Variants in RRM2 observed in about 807,000 individuals in gnomAD.
RRM2 encodes ribonucleotide reductase regulatory subunit M2.
RRM2 carries 6 observed loss-of-function variants against 45.9 expected under a neutral mutation model. That is an observed-to-expected ratio of 0.13 (90% confidence interval 0.07 to 0.26). The LOEUF (loss-of-function observed/expected upper bound fraction) is 0.26. Among genes scored for constraint, RRM2 ranks in the 10% least tolerant of loss-of-function variants. The probability of loss-of-function intolerance (pLI) is 1.00; values close to 1 mark genes in which losing one functional copy is unlikely to be tolerated. For synonymous variants in RRM2, 177 were observed against 173.0 expected (o/e 1.02, Z -0.18); for missense variants, 343 against 489.5 (o/e 0.70, Z 2.82).
rs754408445 is a variant in RRM2, at chr2:10,141,974, G to C, written n.361+20G>C. The stretch of plus-strand genomic sequence containing the variant: ...TGTGCGGTAAGTCAGACGGTGACAA[G>C]CTCTGAAGACAAGGAAAGCAGGGAG... On this transcript the variant is annotated intron_variant and non_coding_transcript_variant, in intron 2 of 3. Transcript: ENST00000381786. The C allele has an allele frequency of 3.6e-5, 57 of 1,571,028 alleles. No homozygotes were observed. The Middle Eastern group carries it at 5.0e-4, about 14-fold the overall frequency.
intron 3 of RRM2, among the ~76,000 whole-genome samples, chr2:10,184,373 C>T (rs1167102500): frequency 6.6e-6 from 1 of 152,232 alleles, no homozygotes; most frequent in East Asian, 1.9e-4. Flanking sequence ...TAAAAATTTG[C>T]GTAGCCAACT....
intron 3 of RRM2, among the ~76,000 whole-genome samples, chr2:10,162,873 A>G (rs1450506658): frequency 6.6e-6 from 1 of 152,212 alleles, no homozygotes; most frequent in Non-Finnish European, 1.5e-5. Flanking sequence ...GTAGAGACAA[A>G]TGGCCTGCAG....
chr2:10,180,490 C>T (rs1310870687), intron 3 of RRM2, among the ~76,000 whole-genome samples: 1 of 152,222 alleles, frequency 6.6e-6, no homozygotes, highest in Non-Finnish European at 1.5e-5. Context: ...ATGTTTTCAA[C>T]ATTGGCATCA....
chr2:10,190,412 T>TG (rs749870286), intron 3 of RRM2, among the ~76,000 whole-genome samples: 1 of 120,928 alleles, frequency 8.3e-6, no homozygotes, highest in Non-Finnish European at 1.7e-5. Context: ...ATGGTGGTGA[T>TG]GGGGGGGTTG....
At chr2:10,134,920 TCA>T (rs1415250189), downstream of RRM2, among the ~76,000 whole-genome samples, 1 of 152,174 alleles carries the variant, frequency 6.6e-6, no homozygotes, top group Non-Finnish European at 1.5e-5. Context: ...CCCCAAGGAA[TCA>T]CACATGAGAA....
downstream of RRM2, among the ~76,000 whole-genome samples, chr2:10,131,972 C>T (rs1228399635): frequency 6.6e-6 from 1 of 152,160 alleles, no homozygotes; most frequent in Non-Finnish European, 1.5e-5. Flanking sequence ...GTTTGCAAAA[C>T]AGGTGGGGCT....
At chr2:10,180,606 C>G (rs894585839) in intron 3 of RRM2, among the ~76,000 whole-genome samples, 4 of 152,184 alleles carry the variant, frequency 2.6e-5, no homozygotes, top group Admixed American at 6.5e-5. Context: ...CTGCCTCCTG[C>G]TCACTAGGCT....
chr2:10,208,482 T>C (rs1323904863), intron 3 of RRM2, among the ~76,000 whole-genome samples: 1 of 152,186 alleles, frequency 6.6e-6, no homozygotes, highest in East Asian at 1.9e-4. Flanking sequence ...ATATGCTTCC[T>C]ATACACATGT....
chr2:10,150,407 A>G (rs1012537844), intron 3 of RRM2, among the ~76,000 whole-genome samples: 6 of 150,106 alleles, frequency 4.0e-5, no homozygotes, highest in African/African-American at 1.5e-4. Flanking sequence ...AGATCACGCC[A>G]CTGCACTCCA....
intron 3 of RRM2, among the ~76,000 whole-genome samples, chr2:10,142,695 C>T (rs1395712306): frequency 3.9e-5 from 6 of 152,172 alleles, no homozygotes; most frequent in East Asian, 3.9e-4. Context: ...CTTCACCCTC[C>T]GCCAGTCCAT....
At chr2:10,140,499 G>A (rs1663061132), upstream of RRM2, among the ~76,000 whole-genome samples, 1 of 152,160 alleles carries the variant, frequency 6.6e-6, no homozygotes, top group Non-Finnish European at 1.5e-5. Flanking sequence ...GCTCCGTAGT[G>A]GACCTGATGG....
intron 3 of RRM2, among the ~76,000 whole-genome samples, chr2:10,190,482 ATGG>A (rs1028020383): frequency 1.7e-5 from 2 of 121,154 alleles, no homozygotes; most frequent in Non-Finnish European, 3.3e-5. Context: ...GGTGGTGGCG[ATGG>A]TGGGGTTGGT....
intron 2 of RRM2, 82 bp from the exon 3 acceptor site, chr2:10,123,305 A>G: frequency 3.4e-6 from 5 of 1,488,872 alleles, no homozygotes; most frequent in Non-Finnish European, 3.6e-6. Flanking sequence ...AATTGCCGCC[A>G]ATGGAAAGGA....
upstream of RRM2, chr2:10,141,379 C>G (rs1373122762): frequency 6.4e-6 from 1 of 156,288 alleles, no homozygotes; most frequent in African/African-American, 2.4e-5. Flanking sequence ...GTTGGTGCCA[C>G]CTAGCTACGC....
In RRM2 at chr2:10,123,693, A is replaced by T. The variant is rs772414607; in HGVS notation, c.319-43A>T. ...GCTCAGTGTGAGTCCTGTAGGCTTT[A>T]CTCTCTTCCTTTTATGCTAAAATTG... On this transcript the variant is annotated intron_variant, in intron 3 of 9. Coordinates refer to ENST00000304567, the MANE Select transcript of RRM2 (RefSeq NM_001034.4). 7 of 1,426,462 alleles carry T rather than the reference A, an allele frequency of 4.9e-6. No individual in the cohort carries two copies. In the Admixed American group the frequency reaches 1.0e-4, roughly 21 times the overall value. The allele number at this position is 1,426,462 out of a possible 1,614,324, so 88.4% of individuals were successfully genotyped here.
chr2:10,131,828 G>C (rs1161190403), downstream of RRM2, among the ~76,000 whole-genome samples: 1 of 152,200 alleles, frequency 6.6e-6, no homozygotes, highest in Non-Finnish European at 1.5e-5. Context: ...ATTGGCACAA[G>C]GTGTATAGGA....
chr2:10,159,409 G>C (rs1206091680), intron 3 of RRM2, among the ~76,000 whole-genome samples: 1 of 152,188 alleles, frequency 6.6e-6, no homozygotes, highest in Non-Finnish European at 1.5e-5. Context: ...CCTTTGCATA[G>C]TGTCCACTCC....
At chr2:10,173,308 G>A (rs111962704) in intron 3 of RRM2, among the ~76,000 whole-genome samples, 3,072 of 152,138 alleles carry the variant, frequency 0.02, 98 homozygotes, top group African/African-American at 0.07. Context: ...CCGTTATTTG[G>A]TTCCCCTGTC....
In RRM2 at chr2:10,127,374, T is replaced by TA; in HGVS notation, c.798+155dup. The TA allele has an allele frequency of 5.8e-6, 4 of 691,290 alleles. No individual in the cohort carries two copies. The highest frequency in any genetic ancestry group is 9.5e-6 in the Non-Finnish European group (4 of 421,738). 42.8% of individuals were successfully genotyped at this position (691,290 alleles called of 1,614,324 possible). A position where few individuals can be genotyped will look rare whatever the true frequency, so the allele number is the denominator to read the frequency against. ...ACACATACTTGACAAAAGAAGGAAA[T>TA]ACTTTCATTTACTGAAACTGTTTTA... is the stretch of plus-strand genomic sequence containing the variant. On this transcript the variant is annotated intron_variant, in intron 7 of 9. Coordinates refer to ENST00000304567, the MANE Select transcript of RRM2 (RefSeq NM_001034.4). The surrounding 1 kb of genome is among the most constrained non-coding windows in gnomAD (Gnocchi z 4.1).
Sources: allele counts gnomAD v4.1 joint callset (sites outside exome capture counted in the v4.1 genomes callset), GRCh38; gene constraint gnomAD v4.1.1; non-coding constraint Gnocchi (gnomAD v3.1); transcripts MANE v1.5; gene names NCBI Gene and HGNC (gene_info 2026-07-23, HGNC 2026-07-21).